GRM1: variants seen among roughly 807,000 people sequenced by gnomAD.
The protein encoded by GRM1 is metabotropic glutamate receptor 1.
In GRM1, 33 loss-of-function variants were observed where a neutral mutation model predicts 90.9. That is an observed-to-expected ratio of 0.36 (90% CI 0.28 to 0.49). The LOEUF (loss-of-function observed/expected upper bound fraction) is 0.49. GRM1 is among the 20% of genes least tolerant of loss of function. The pLI is 0.99. For missense variants in GRM1, 1,190 were observed against 1,534.3 expected (o/e 0.78, Z 3.75); for synonymous variants, 700 against 613.2 (o/e 1.14, Z -2.09).
rs774945048 is a variant in GRM1 at position 146,434,082 on chromosome 6, AGAG to A, written c.2883_2885del (p.Glu961del). On this transcript the variant is annotated inframe_deletion, in exon 8 of 8. Coordinates refer to ENST00000282753, the MANE Select transcript of GRM1 (RefSeq NM_001278064.2). ...CCAGCACCAAGACCCTTTACAACGT[AGAG>A]GAGGAGGAGGATGCCCAGCCGATTC... 1.1e-5 allele frequency: 18 copies of A among 1,613,782 alleles called. No individual in the cohort carries two copies. Among genetic ancestry groups the A allele is most frequent in the African/African-American group, 9.3e-5 (7 of 74,942 alleles).
At position 146,267,746 on chromosome 6, in the gene GRM1, GTCTCGTCTCGTCTCT is replaced by G. The variant is rs1781972395; in HGVS notation, c.951-36862_951-36848del. Among the ~76,000 whole-genome samples the G allele has an allele frequency of 5.5e-5, 8 of 145,352 alleles. No individual in the cohort carries two copies. In the Admixed American group the frequency reaches 5.5e-4, roughly 10 times the overall value. On this transcript the variant is annotated intron_variant, in intron 2 of 7. Transcript: ENST00000282753. ...GTCTCGTCTCGTCTCGTCTCGTCTC[GTCTCGTCTCGTCTCT>G]TCATGTTTTTCTGCCTGCTTTATAT...
chr6:146,289,787 CA>C (rs1782910462), intron 2 of GRM1, among the ~76,000 whole-genome samples: 1 of 152,318 alleles, frequency 6.6e-6, no homozygotes, highest in African/African-American at 2.4e-5. Flanking sequence ...AATATAGTCA[CA>C]GGCTGCACAG....
chr6:146,376,042 G>T (rs1776086339), intron 5 of GRM1, among the ~76,000 whole-genome samples: 2 of 151,374 alleles, frequency 1.3e-5, no homozygotes, highest in African/African-American at 2.4e-5. Flanking sequence ...TGTTTCCATT[G>T]TATGTTTTTT....
intron 6 of GRM1, among the ~76,000 whole-genome samples, chr6:146,392,713 G>C (rs372362365): frequency 1.3e-5 from 2 of 151,982 alleles, no homozygotes; most frequent in East Asian, 3.9e-4. Context: ...AGTCTCTGGC[G>C]TATGATGTTC....
chr6:146,406,770 G>T (rs1777363455), intron 7 of GRM1, among the ~76,000 whole-genome samples: 1 of 152,108 alleles, frequency 6.6e-6, no homozygotes, highest in Non-Finnish European at 1.5e-5. Flanking sequence ...GGAGGCGAAG[G>T]TTGCAGTGAG....
chr6:146,345,507 T>C (rs1386874101), intron 3 of GRM1, among the ~76,000 whole-genome samples: 2 of 152,218 alleles, frequency 1.3e-5, no homozygotes, highest in Non-Finnish European at 2.9e-5. Flanking sequence ...ATAACTCTTG[T>C]ATTTCACTCT....
At chr6:146,138,385 A>C (rs1776707078) in intron 1 of GRM1, among the ~76,000 whole-genome samples, 1 of 152,128 alleles carries the variant, frequency 6.6e-6, no homozygotes, top group African/African-American at 2.4e-5. Context: ...AATTTCATCA[A>C]ATGCTTTTTC....
At chr6:146,110,474 C>A (rs1282052218) in intron 1 of GRM1, among the ~76,000 whole-genome samples, 1 of 152,138 alleles carries the variant, frequency 6.6e-6, no homozygotes, top group East Asian at 1.9e-4. Context: ...AATAAACCTC[C>A]TTCTTTTGTA....
chr6:146,149,606 T>C (rs949907639), intron 1 of GRM1, among the ~76,000 whole-genome samples: 1 of 152,240 alleles, frequency 6.6e-6, no homozygotes, highest in African/African-American at 2.4e-5. Context: ...TTTAGGGTTA[T>C]CCAGCTCTTT....
chr6:146,420,307 C>A (rs1171365889), intron 7 of GRM1, among the ~76,000 whole-genome samples: 2 of 152,198 alleles, frequency 1.3e-5, no homozygotes, highest in African/African-American at 4.8e-5. Flanking sequence ...CTATCTGCAG[C>A]AGAAGACCAA....
intron 2 of GRM1, among the ~76,000 whole-genome samples, chr6:146,288,728 A>C (rs1782860706): frequency 6.6e-6 from 1 of 151,762 alleles, no homozygotes; most frequent in Non-Finnish European, 1.5e-5. Context: ...GTGGTCTCCA[A>C]CTCCTGACCT....
At chr6:146,046,194 C>T (rs183748732) in intron 1 of GRM1, among the ~76,000 whole-genome samples, 262 of 152,120 alleles carry the variant, frequency 1.7e-3, no homozygotes, top group African/African-American at 5.2e-3. Flanking sequence ...TATATACATA[C>T]AATTAGCTGC....
At chr6:146,307,774 T>C (rs553438600) in intron 3 of GRM1, among the ~76,000 whole-genome samples, 3 of 152,308 alleles carry the variant, frequency 2.0e-5, no homozygotes, top group Admixed American at 6.5e-5. Flanking sequence ...TTAGTTTCCA[T>C]AGAAACCATT....
At chr6:146,075,658 C>T (rs1776160234) in intron 1 of GRM1, among the ~76,000 whole-genome samples, 1 of 152,166 alleles carries the variant, frequency 6.6e-6, no homozygotes, top group African/African-American at 2.4e-5. Flanking sequence ...GATTGTCTCA[C>T]AGTTGTGTAG....
rs550250152 is a variant in GRM1 at position 146,068,825 on chromosome 6, C to T, written c.700+38608C>T. Among the ~76,000 whole-genome samples the T allele has an allele frequency of 2.0e-4, 30 of 152,228 alleles. 1 individual carries two copies. The highest frequency in any genetic ancestry group is 6.0e-4 in the African/African-American group (25 of 41,544). ...TTATCTGAACAAAATAAAATTTTTACGTAATAGCACCTCCTCATTTAAAAA... is the reference window on the plus strand; with the variant it reads ...TTATCTGAACAAAATAAAATTTTTATGTAATAGCACCTCCTCATTTAAAAA... On this transcript the variant is annotated intron_variant, in intron 1 of 7. Coordinates refer to ENST00000282753, the MANE Select transcript of GRM1 (RefSeq NM_001278064.2).
intron 2 of GRM1, among the ~76,000 whole-genome samples, chr6:146,189,995 G>A (rs1778882467): frequency 6.6e-6 from 1 of 152,216 alleles, no homozygotes; most frequent in African/African-American, 2.4e-5. Flanking sequence ...TGGGAGGGCA[G>A]GAATGTTAGA....
At chr6:146,228,397 C>T (rs1780327200) in intron 2 of GRM1, among the ~76,000 whole-genome samples, 1 of 152,120 alleles carries the variant, frequency 6.6e-6, no homozygotes, top group Non-Finnish European at 1.5e-5. Flanking sequence ...GGGTTAGGCT[C>T]ACTTTTATAT....
intron 4 of GRM1, among the ~76,000 whole-genome samples, chr6:146,354,491 G>A (rs896171966): frequency 2.0e-5 from 3 of 152,112 alleles, no homozygotes; most frequent in Admixed American, 6.5e-5. Flanking sequence ...CTAAAATGTC[G>A]GTGCATAATT....
chr6:146,117,166 T>A (rs935217791), intron 1 of GRM1, among the ~76,000 whole-genome samples: 4 of 151,302 alleles, frequency 2.6e-5, no homozygotes, highest in African/African-American at 9.7e-5. Flanking sequence ...TTATTTTTTT[T>A]TTAGTTTCTT....
Sources: gnomAD v4.1 joint callset for allele counts (sites outside exome capture counted in the v4.1 genomes callset) on GRCh38, gnomAD v4.1.1 for gene constraint, MANE v1.5 for transcripts, NCBI Gene and HGNC (gene_info 2026-07-23, HGNC 2026-07-21) for gene names.